CHD1L: variants seen among roughly 807,000 people sequenced by gnomAD.
The protein encoded by CHD1L is chromodomain helicase DNA binding protein 1 like, also known as ATP-dependent chromatin remodeler CHD1L.
A neutral mutation model predicts 115.9 loss-of-function variants in CHD1L; 118 were observed. The ratio of observed to expected loss-of-function variants is 1.02; its 90% CI spans 0.88 to 1.19. The LOEUF is 1.19. Ranked by LOEUF, CHD1L falls within the 50% of genes most tolerant of loss-of-function variation. The probability of loss-of-function intolerance (pLI) is 0.00; values close to 1 mark genes in which losing one functional copy is unlikely to be tolerated. For missense variants in CHD1L, 1,179 were observed against 1,065.3 expected, an observed-to-expected ratio of 1.11 and a Z score of -1.49; for synonymous variants, 411 against 387.1, an observed-to-expected ratio of 1.06 and a Z score of -0.72.
At chr1:147,219,995 T>C in the CHD1L span, among the ~76,000 whole-genome samples, 2 of 152,020 alleles carry the variant, frequency 1.3e-5, no homozygotes, top group East Asian at 3.9e-4. Context: ...CATGCCACCC[T>C]GCCCAGCTAA....
the CHD1L span, among the ~76,000 whole-genome samples, chr1:147,202,582 T>C: frequency 6.6e-6 from 1 of 152,110 alleles, no homozygotes; most frequent in Non-Finnish European, 1.5e-5. Context: ...CCTCCCAAAG[T>C]GCTGGGATTA....
At chr1:147,233,800 AC>A in the CHD1L span, among the ~76,000 whole-genome samples, 1 of 151,724 alleles carries the variant, frequency 6.6e-6, no homozygotes, top group African/African-American at 2.4e-5. Context: ...CTTACCCCCA[AC>A]CCTGTGCTCT....
chr1:147,292,949 G>T (rs1553971893), intron 20 of CHD1L, among the ~76,000 whole-genome samples: 1 of 152,152 alleles, frequency 6.6e-6, no homozygotes, highest in African/African-American at 2.4e-5. Flanking sequence ...CAGCAAAGTG[G>T]TTTCTGTTGA....
At chr1:147,249,194 A>C (rs1667571857) in intron 1 of CHD1L, among the ~76,000 whole-genome samples, 1 of 152,110 alleles carries the variant, frequency 6.6e-6, no homozygotes, top group Non-Finnish European at 1.5e-5. Context: ...TGATTACAGG[A>C]GTCTGGATTG....
At chr1:147,244,610 C>T (rs1665997109) in intron 1 of CHD1L, among the ~76,000 whole-genome samples, 1 of 152,022 alleles carries the variant, frequency 6.6e-6, no homozygotes, top group Non-Finnish European at 1.5e-5. Flanking sequence ...TGTTCTCTAT[C>T]CTGTATAATT....
At chr1:147,224,041 C>A in the CHD1L span, 1 of 408,496 alleles carries the variant, frequency 2.4e-6, no homozygotes. Context: ...ATGCGGATCC[C>A]ATCGAGCTGG....
chr1:147,284,175 A>G (rs1553963613), intron 15 of CHD1L, among the ~76,000 whole-genome samples, 176 bp from the exon 16 acceptor site: 2 of 152,220 alleles, frequency 1.3e-5, no homozygotes, highest in African/African-American at 2.4e-5. Flanking sequence ...ATCCCCATGT[A>G]GAACCCACAT....
the CHD1L span, chr1:147,186,500 A>G: frequency 4.0e-6 from 4 of 988,436 alleles, no homozygotes; most frequent in Non-Finnish European, 4.8e-6. Context: ...AGAAAATCAA[A>G]CCCTATCAGA....
chr1:147,272,410 G>A, intron 12 of CHD1L, 129 bp downstream of exon 12: 1 of 644,716 alleles, frequency 1.6e-6, no homozygotes, highest in Non-Finnish European at 2.7e-6. Flanking sequence ...GTAAAACAAG[G>A]TACTGGACAT....
At chr1:147,267,660 A>G (rs1434785169) in intron 9 of CHD1L, 142 bp downstream of exon 9, 4 of 623,910 alleles carry the variant, frequency 6.4e-6, no homozygotes, top group Non-Finnish European at 1.1e-5. Context: ...GTATTAACTC[A>G]TATATTCATG....
At position 147,287,667 on chromosome 1, in the gene CHD1L, T is replaced by C. The variant is rs781935687; in HGVS notation, c.2254T>C (p.Phe752Leu). Residue 752 changes from phenylalanine to leucine, a missense_variant, in exon 19 of 23, where the codon TTT becomes CTT. By Grantham distance (22) the Phe-to-Leu change is conservative. Transcript: ENST00000369258. ...DSGHWGRGGLFTALEKRSAEP... is the reference protein window; with the variant it reads ...DSGHWGRGGLLTALEKRSAEP... ...TGGCCACTGGGGCAGAGGTGGTTTA[T>C]TTACAGCTCTGGAAAAGCGATCCGC... 6 of 1,614,056 alleles carry C rather than the reference T, an allele frequency of 3.7e-6. No homozygotes were observed. The highest frequency in any genetic ancestry group is 4.2e-6 in the Non-Finnish European group (5 of 1,179,982).
At chr1:147,201,367 A>G in the CHD1L span, 45 of 1,614,054 alleles carry the variant, frequency 2.8e-5, no homozygotes, top group African/African-American at 5.3e-4. Context: ...AACAGCATCA[A>G]TGTCATCCTC....
the CHD1L span, chr1:147,178,890 C>T: frequency 6.4e-7 from 1 of 1,570,700 alleles, no homozygotes; most frequent in Admixed American, 1.7e-5. Context: ...AGGGCAAGGA[C>T]TTACTTATTG....
the CHD1L span, chr1:147,213,182 A>C: frequency 1.2e-6 from 1 of 806,388 alleles, no homozygotes; most frequent in East Asian, 3.0e-5. Context: ...TCTGGGGAAC[A>C]AGAATAATTA....
intron 2 of CHD1L, 131 bp from the exon 3 acceptor site, chr1:147,254,739 G>GAAAAT: frequency 1.8e-6 from 1 of 550,830 alleles, no homozygotes; most frequent in Non-Finnish European, 3.1e-6. Context: ...ATATGCGGAA[G>GAAAAT]TTCGTACAAT....
At chr1:147,223,904 A>T in the CHD1L span, 10 of 368,096 alleles carry the variant, frequency 2.7e-5, no homozygotes, top group Non-Finnish European at 5.2e-5. Flanking sequence ...GTTGTCCTGG[A>T]CTGAGAAGAA....
the CHD1L span, among the ~76,000 whole-genome samples, chr1:147,214,270 G>A: frequency 5.3e-5 from 8 of 152,026 alleles, no homozygotes; most frequent in East Asian, 1.6e-3. Flanking sequence ...TGGCCAACAT[G>A]GCGAAACCCC....
the CHD1L span, among the ~76,000 whole-genome samples, chr1:147,206,806 TGATGTAAATGACAAGTTAATG>T: frequency 0.57 from 82,217 of 144,398 alleles, 24,490 homozygotes; most frequent in East Asian, 0.86. Flanking sequence ...GAGATATATC[TGATGTAAATGACAAGTTAATG>T]GATGTAAATG....
chr1:147,243,429 A>G (rs1294200691), intron 1 of CHD1L, among the ~76,000 whole-genome samples: 1 of 151,990 alleles, frequency 6.6e-6, no homozygotes, highest in Non-Finnish European at 1.5e-5. Flanking sequence ...ACCACGTACT[A>G]TATGCCAACT....
Sources: gnomAD v4.1 joint callset for allele counts (sites outside exome capture counted in the v4.1 genomes callset) on GRCh38, gnomAD v4.1.1 for gene constraint, MANE v1.5 for transcripts, NCBI Gene and HGNC (gene_info 2026-07-23, HGNC 2026-07-21) for gene names.